The following C1GALT1 variants were observed in gnomAD, a reference collection of about 807,000 sequenced individuals.
C1GALT1 encodes the protein glycoprotein-N-acetylgalactosamine 3-beta-galactosyltransferase 1.
Under a neutral mutation model 31.0 loss-of-function variants are expected in C1GALT1, and 11 were observed. The ratio of observed to expected loss-of-function variants is 0.36; its 90% CI spans 0.22 to 0.59. C1GALT1 has a LOEUF of 0.59. Among genes scored for constraint, C1GALT1 ranks in the 20% least tolerant of loss-of-function variants. The probability of loss-of-function intolerance (pLI) is 0.79; values close to 1 mark genes in which losing one functional copy is unlikely to be tolerated. For missense variants in C1GALT1, 424 were observed against 425.2 expected, an observed-to-expected ratio of 1.00 and a Z score of 0.03; for synonymous variants, 175 against 143.6, an observed-to-expected ratio of 1.22 and a Z score of -1.56.
chr7:7,177,642 C>G (rs1780519188), upstream of C1GALT1, among the ~76,000 whole-genome samples: 1 of 152,170 alleles, frequency 6.6e-6, no homozygotes, highest in Non-Finnish European at 1.5e-5. Flanking sequence ...TTCTGCCATA[C>G]TCTTAAATCC....
chr7:7,226,918 GTGTGTGTATGTATA>G (rs1042127755), intron 1 of C1GALT1, among the ~76,000 whole-genome samples: 1 of 150,888 alleles, frequency 6.6e-6, no homozygotes, highest in Admixed American at 6.6e-5. Flanking sequence ...CAGAGGGAGT[GTGTGTGTATGTATA>G]TGTGTATATA....
At chr7:7,186,560 C>T (rs980021360) in intron 1 of C1GALT1, among the ~76,000 whole-genome samples, 1 of 152,100 alleles carries the variant, frequency 6.6e-6, no homozygotes, top group Non-Finnish European at 1.5e-5. Context: ...AACCACTGAT[C>T]AAGATGGAAA....
intron 1 of C1GALT1, among the ~76,000 whole-genome samples, chr7:7,193,510 T>G (rs1781161184): frequency 1.3e-5 from 2 of 152,212 alleles, no homozygotes. Context: ...GTTTCATTGG[T>G]CTATGTGCCT....
intron 2 of C1GALT1, among the ~76,000 whole-genome samples, chr7:7,171,291 G>T (rs1433279575): frequency 3.3e-5 from 5 of 151,946 alleles, no homozygotes; most frequent in Non-Finnish European, 7.4e-5. Context: ...GTTGTTTGGT[G>T]CATGTATGTT....
chr7:7,167,113 A>G (rs1780406691), intron 2 of C1GALT1, among the ~76,000 whole-genome samples: 1 of 152,204 alleles, frequency 6.6e-6, no homozygotes, highest in African/African-American at 2.4e-5. Flanking sequence ...ACTCTGGGCC[A>G]GGGAGGAAGA....
At chr7:7,162,643 G>C (rs1780347316) in intron 2 of C1GALT1, among the ~76,000 whole-genome samples, 1 of 151,820 alleles carries the variant, frequency 6.6e-6, no homozygotes, top group Non-Finnish European at 1.5e-5. Flanking sequence ...TAATGGGATG[G>C]CTGGGTCAAA....
intron 1 of C1GALT1, among the ~76,000 whole-genome samples, chr7:7,201,357 C>T (rs1781524142): frequency 6.6e-6 from 1 of 152,206 alleles, no homozygotes; most frequent in Admixed American, 6.5e-5. Flanking sequence ...CCGATCTTTC[C>T]TCTGGAAGCT....
At chr7:7,195,370 G>A (rs753412517) in intron 1 of C1GALT1, among the ~76,000 whole-genome samples, 13 of 152,148 alleles carry the variant, frequency 8.5e-5, no homozygotes, top group Admixed American at 2.6e-4. Context: ...GATAGGTTGT[G>A]TCACTTTTAT....
At chr7:7,211,419 G>C (rs1413270450) in intron 1 of C1GALT1, among the ~76,000 whole-genome samples, 3 of 152,164 alleles carry the variant, frequency 2.0e-5, no homozygotes, top group African/African-American at 7.2e-5. Context: ...CCCAAAAAAA[G>C]TCCTAGCAGA....
rs555342651 is a variant in C1GALT1 at position 7,245,865 on chromosome 7, T to A, written c.*2138T>A. On this transcript the variant is annotated 3_prime_UTR_variant, in exon 4 of 4. Transcript: ENST00000436587. ...CTAACACTTACTGTTTTTGTAACCT[T>A]GAGCAATTTTAATCTCTCTGTGTCT... 5.2e-4 allele frequency: 79 copies of A among 152,234 alleles called. No homozygotes were observed. The highest frequency in any genetic ancestry group is 6.9e-4 in the Non-Finnish European group (47 of 68,046). 9.4% of individuals were successfully genotyped at this position (152,234 alleles called of 1,614,324 possible).
intron 1 of C1GALT1, among the ~76,000 whole-genome samples, chr7:7,183,300 G>C (rs960762034): frequency 1.3e-5 from 2 of 152,056 alleles, no homozygotes; most frequent in African/African-American, 4.8e-5. Flanking sequence ...CACCTTCGCC[G>C]GGGAGCCACT....
chr7:7,204,645 G>C (rs1435653092), intron 1 of C1GALT1, among the ~76,000 whole-genome samples: 1 of 151,910 alleles, frequency 6.6e-6, no homozygotes, highest in Non-Finnish European at 1.5e-5. Context: ...TGTAAAAATA[G>C]GTTCTTGAAT....
chr7:7,247,545 A>G lies in C1GALT1; in HGVS notation c.*3818A>G, dbSNP rs1329458899. On this transcript the variant is annotated 3_prime_UTR_variant, in exon 4 of 4. Transcript: ENST00000436587. ...AAATTTGCTAACTGGTTATTTTCACAATTTTCTTGAATATTAATTTTTCAC... is the reference window on the plus strand; with the variant it reads ...AAATTTGCTAACTGGTTATTTTCACGATTTTCTTGAATATTAATTTTTCAC... 1 of 152,080 alleles carries G rather than the reference A, an allele frequency of 6.6e-6. No homozygotes were observed. The highest frequency in any genetic ancestry group is 1.5e-5 in the Non-Finnish European group (1 of 67,942). The allele number at this position is 152,080 out of a possible 1,614,324, so 9.4% of individuals were successfully genotyped here. A position where few individuals can be genotyped will look rare whatever the true frequency, so the allele number is the denominator to read the frequency against.
chr7:7,175,893 G>C (rs932959401), intron 2 of C1GALT1, among the ~76,000 whole-genome samples: 18 of 151,960 alleles, frequency 1.2e-4, no homozygotes, highest in African/African-American at 4.4e-4. Flanking sequence ...TCTTGGAAGG[G>C]CACCAGGTCT....
chr7:7,235,125 T>A (rs1361388662), intron 2 of C1GALT1: 1 of 152,326 alleles, frequency 6.6e-6, no homozygotes, highest in Non-Finnish European at 1.5e-5. Flanking sequence ...GTCCTTTAGC[T>A]GTTTGTCTGT....
intron 2 of C1GALT1, among the ~76,000 whole-genome samples, chr7:7,176,667 C>T (rs539714111): frequency 7.2e-5 from 11 of 151,940 alleles, no homozygotes; most frequent in African/African-American, 2.7e-4. Flanking sequence ...AATGTATTTC[C>T]TAGACTTTTT....
intron 1 of C1GALT1, among the ~76,000 whole-genome samples, chr7:7,227,322 GTGAT>G (rs762462039): frequency 1.1e-4 from 16 of 152,222 alleles, no homozygotes; most frequent in Non-Finnish European, 2.4e-4. Flanking sequence ...CTTTAAGGAA[GTGAT>G]TGGTTTATGA....
At chr7:7,189,419 G>A (rs533152223) in intron 1 of C1GALT1, among the ~76,000 whole-genome samples, 66 of 152,230 alleles carry the variant, frequency 4.3e-4, no homozygotes, top group South Asian at 1.0e-3. Flanking sequence ...TCTTGTATCT[G>A]TGTCAATAAC....
At chr7:7,212,745 G>C (rs1298298116) in intron 1 of C1GALT1, among the ~76,000 whole-genome samples, 1 of 152,108 alleles carries the variant, frequency 6.6e-6, no homozygotes, top group Non-Finnish European at 1.5e-5. Context: ...CACAAGGGCG[G>C]GGAGGAATGT....
Sources: allele counts gnomAD v4.1 joint callset (sites outside exome capture counted in the v4.1 genomes callset), GRCh38; gene constraint gnomAD v4.1.1; transcripts MANE v1.5; gene names NCBI Gene and HGNC (gene_info 2026-07-23, HGNC 2026-07-21).